The following MECOM variants were observed in gnomAD, a reference collection of about 807,000 sequenced individuals.
The protein encoded by MECOM is histone-lysine N-methyltransferase MECOM.
In MECOM, 13 loss-of-function variants were observed where a neutral mutation model predicts 116.3. The observed-to-expected ratio is 0.11, with a 90% CI of 0.07 to 0.18. The LOEUF (loss-of-function observed/expected upper bound fraction) is 0.18. Ranked by LOEUF, MECOM falls within the 10% of genes least tolerant of loss-of-function variation. The pLI, the probability that MECOM is intolerant of heterozygous loss-of-function variation, is 1.00. For synonymous variants in MECOM, 528 were observed against 535.2 expected, an observed-to-expected ratio of 0.99 and a Z score of 0.19; for missense variants, 1,299 against 1,509.0, an observed-to-expected ratio of 0.86 and a Z score of 2.31.
intron 2 of MECOM, among the ~76,000 whole-genome samples, chr3:169,323,231 C>G (rs1226520842): frequency 6.6e-6 from 1 of 152,090 alleles, no homozygotes; most frequent in African/African-American, 2.4e-5. Context: ...CCAGAAGGAA[C>G]CAGCTTGAGG....
chr3:169,378,663 T>C (rs1731867097), intron 2 of MECOM, among the ~76,000 whole-genome samples: 1 of 151,838 alleles, frequency 6.6e-6, no homozygotes, highest in Admixed American at 6.6e-5. Context: ...GAGAAATGTG[T>C]CAAAATGACA....
chr3:169,262,775 C>T (rs1022994771), intron 2 of MECOM, among the ~76,000 whole-genome samples: 1 of 152,040 alleles, frequency 6.6e-6, no homozygotes, highest in African/African-American at 2.4e-5. Context: ...TCTGTTGAGG[C>T]AGCTAGCATT....
At chr3:169,419,980 T>C (rs1739424659) in intron 1 of MECOM, among the ~76,000 whole-genome samples, 1 of 152,128 alleles carries the variant, frequency 6.6e-6, no homozygotes, top group Non-Finnish European at 1.5e-5. Context: ...AAAGAAGACA[T>C]TTATGCAGCC....
At chr3:169,655,615 A>G (rs2110103297) in intron 1 of MECOM, among the ~76,000 whole-genome samples, 1 of 152,312 alleles carries the variant, frequency 6.6e-6, no homozygotes, top group Non-Finnish European at 1.5e-5. Context: ...TTCAGAACAA[A>G]TTTACTGCCT....
intron 2 of MECOM, among the ~76,000 whole-genome samples, chr3:169,259,798 C>A (rs933011820): frequency 7.2e-5 from 11 of 152,218 alleles, no homozygotes; most frequent in East Asian, 5.8e-4. Context: ...TAAAAGCATT[C>A]AACGAAGAAT....
chr3:169,476,830 C>G (rs1232132414), intron 1 of MECOM: 10 of 151,378 alleles, frequency 6.6e-5, no homozygotes, highest in Non-Finnish European at 1.5e-5. Context: ...GAAGAAGATG[C>G]TATTTTTTGT....
intron 1 of MECOM, among the ~76,000 whole-genome samples, chr3:169,418,707 TA>T (rs1560248601): frequency 6.6e-6 from 1 of 152,046 alleles, no homozygotes; most frequent in Non-Finnish European, 1.5e-5. Flanking sequence ...CCCTTCACGA[TA>T]AAAACACTCA....
chr3:169,387,180 T>G (rs1733480582), intron 1 of MECOM, among the ~76,000 whole-genome samples: 2 of 152,224 alleles, frequency 1.3e-5, no homozygotes, highest in South Asian at 4.1e-4. Flanking sequence ...AAAGATTCCC[T>G]TGAATTTTCT....
At chr3:169,254,880 G>C (rs1756676443) in intron 2 of MECOM, among the ~76,000 whole-genome samples, 1 of 151,988 alleles carries the variant, frequency 6.6e-6, no homozygotes, top group Non-Finnish European at 1.5e-5. Flanking sequence ...AGTGGTGTTG[G>C]AGTTTATCTG....
intron 1 of MECOM, among the ~76,000 whole-genome samples, chr3:169,423,680 C>A (rs1740152134): frequency 6.6e-6 from 1 of 152,052 alleles, no homozygotes; most frequent in Non-Finnish European, 1.5e-5. Context: ...AGGAAACATG[C>A]AGGGATCACC....
At chr3:169,230,276 C>T (rs1011766700) in intron 2 of MECOM, among the ~76,000 whole-genome samples, 1 of 151,672 alleles carries the variant, frequency 6.6e-6, no homozygotes, top group Non-Finnish European at 1.5e-5. Context: ...ATTGCAAGTT[C>T]CCTTTATCAA....
At chr3:169,193,875 C>T (rs9846832) in intron 2 of MECOM, among the ~76,000 whole-genome samples, 94,473 of 151,828 alleles carry the variant, frequency 0.62, 30,297 homozygotes, top group South Asian at 0.76. Context: ...GAAATGAATA[C>T]TAATTGAAAT....
intron 1 of MECOM, among the ~76,000 whole-genome samples, chr3:169,637,644 G>T (rs778019160): frequency 9.9e-5 from 15 of 152,178 alleles, no homozygotes; most frequent in African/African-American, 3.1e-4. Flanking sequence ...AAAATCTTAC[G>T]TAACTGCAAA....
At chr3:169,475,699 T>A (rs1750252905) in intron 1 of MECOM, among the ~76,000 whole-genome samples, 1 of 152,086 alleles carries the variant, frequency 6.6e-6, no homozygotes, top group South Asian at 2.1e-4. Context: ...CCAGATTTTG[T>A]AATCCTTTCC....
chr3:169,266,267 C>T (rs1190598932), intron 2 of MECOM, among the ~76,000 whole-genome samples: 1 of 152,054 alleles, frequency 6.6e-6, no homozygotes, highest in Non-Finnish European at 1.5e-5. Flanking sequence ...TTGGTGTTGC[C>T]CATAAACACA....
chr3:169,366,403 A>G lies in MECOM; in HGVS notation c.375+14784T>C, dbSNP rs78952143. On this transcript the variant is annotated intron_variant, in intron 2 of 16. Transcript: ENST00000651503. ...TAATACTACCTCAAACTAGGAAAAA[A>G]AAAACTTGAGTTCAAAGCCAGGTAA... Among the ~76,000 whole-genome samples, 611 of 152,038 alleles carry G rather than the reference A, an allele frequency of 4.0e-3. 4 individuals are homozygous for G. The highest frequency in any genetic ancestry group is 0.014 in the African/African-American group (588 of 41,506).
chr3:169,166,883 GC>G (rs1743682649), intron 2 of MECOM, among the ~76,000 whole-genome samples: 3 of 152,076 alleles, frequency 2.0e-5, no homozygotes, highest in African/African-American at 7.2e-5. Flanking sequence ...ACTGCACTTG[GC>G]CCTTTTTTTA....
intron 1 of MECOM, among the ~76,000 whole-genome samples, chr3:169,631,155 A>G (rs1178059254): frequency 6.6e-6 from 1 of 152,232 alleles, no homozygotes; most frequent in East Asian, 1.9e-4. Flanking sequence ...CCTCTTTTAA[A>G]TTGCTTTCAT....
At chr3:169,311,119 A>G (rs1718687118) in intron 2 of MECOM, among the ~76,000 whole-genome samples, 1 of 152,220 alleles carries the variant, frequency 6.6e-6, no homozygotes, top group Non-Finnish European at 1.5e-5. Context: ...AGGTCACAGT[A>G]TTGAGTTCTT....
Sources: allele counts gnomAD v4.1 joint callset (sites outside exome capture counted in the v4.1 genomes callset), GRCh38; gene constraint gnomAD v4.1.1; transcripts MANE v1.5; gene names NCBI Gene and HGNC (gene_info 2026-07-23, HGNC 2026-07-21).